FMNL2: variants seen among roughly 807,000 people sequenced by gnomAD.
FMNL2 encodes the protein formin like 2.
A neutral mutation model predicts 130.2 loss-of-function variants in FMNL2; 51 were observed. The observed-to-expected ratio is 0.39, with a 90% confidence interval of 0.31 to 0.49. The LOEUF (loss-of-function observed/expected upper bound fraction) is 0.49, where lower values mean the gene tolerates loss of function less well. Ranked by LOEUF, FMNL2 falls within the 20% of genes least tolerant of loss-of-function variation. The pLI is 0.85. For synonymous variants in FMNL2, 465 were observed against 467.1 expected (o/e 1.00, Z 0.06); for missense variants, 977 against 1,316.2 (o/e 0.74, Z 3.99).
chr2:152,510,796 T>C (rs1457046860), intron 1 of FMNL2, among the ~76,000 whole-genome samples: 3 of 152,262 alleles, frequency 2.0e-5, no homozygotes, highest in South Asian at 4.2e-4. Context: ...CGCAAGACTT[T>C]CCAGCTTTCC....
chr2:152,504,555 T>G (rs1248271793), intron 1 of FMNL2, among the ~76,000 whole-genome samples: 2 of 152,212 alleles, frequency 1.3e-5, no homozygotes, highest in Non-Finnish European at 2.9e-5. Flanking sequence ...GCAGGGAGGC[T>G]TCTTAAAAAC....
At chr2:152,473,289 C>T (rs111484624) in intron 1 of FMNL2, among the ~76,000 whole-genome samples, 1,551 of 152,224 alleles carry the variant, frequency 0.01, 25 homozygotes, top group African/African-American at 0.036. Context: ...CTGCAGCCTC[C>T]AACTCCTGGG....
intron 1 of FMNL2, among the ~76,000 whole-genome samples, chr2:152,436,253 C>A (rs189991846): frequency 6.6e-6 from 1 of 152,080 alleles, no homozygotes; most frequent in Non-Finnish European, 1.5e-5. Flanking sequence ...GCAGCCTCCA[C>A]CTCCCAGGCT....
Position 152,522,046 on chromosome 2 carries a change from T to A in FMNL2, c.201+20T>A. The A allele has an allele frequency of 8.2e-6, 13 of 1,584,884 alleles. No homozygotes were observed. Among genetic ancestry groups the A allele is most frequent in the Non-Finnish European group, 1.1e-5 (13 of 1,162,954 alleles). On this transcript the variant is annotated intron_variant, in intron 2 of 25. Transcript: ENST00000288670. ...GATCAGGTAAGAAACAGTGACACTTTCTTTTATGAAAAAAGTAATGAAAGA... is the reference window on the plus strand; with the variant it reads ...GATCAGGTAAGAAACAGTGACACTTACTTTTATGAAAAAAGTAATGAAAGA...
At chr2:152,605,100 G>A (rs936890732) in intron 9 of FMNL2, among the ~76,000 whole-genome samples, 3 of 151,886 alleles carry the variant, frequency 2.0e-5, no homozygotes, top group African/African-American at 7.3e-5. Context: ...CCAGGAACTT[G>A]CTGTAGATTG....
At chr2:152,383,445 G>A (rs1056890936) in intron 1 of FMNL2, among the ~76,000 whole-genome samples, 3 of 151,696 alleles carry the variant, frequency 2.0e-5, no homozygotes, top group Non-Finnish European at 2.9e-5. Flanking sequence ...AAAATGTTCC[G>A]TAAGAGTAAC....
chr2:152,537,909 G>C (rs1694085115), intron 2 of FMNL2, among the ~76,000 whole-genome samples: 1 of 148,042 alleles, frequency 6.8e-6, no homozygotes, highest in Admixed American at 6.8e-5. Flanking sequence ...CACACACACA[G>C]TATATGATTT....
chr2:152,378,753 G>A (rs1478789607), intron 1 of FMNL2, among the ~76,000 whole-genome samples: 2 of 152,082 alleles, frequency 1.3e-5, no homozygotes, highest in Admixed American at 1.3e-4. Context: ...TTGATAGAAG[G>A]TTAAGTGTGA....
At chr2:152,385,944 T>C (rs148684345) in intron 1 of FMNL2, among the ~76,000 whole-genome samples, 4 of 152,354 alleles carry the variant, frequency 2.6e-5, no homozygotes, top group South Asian at 4.1e-4. Flanking sequence ...GATTTATCTT[T>C]CTTTCACCTC....
Position 152,445,050 on chromosome 2 carries a change from A to G in FMNL2, c.118-76893A>G, listed in dbSNP as rs945301153. On this transcript the variant is annotated intron_variant, in intron 1 of 25. Coordinates refer to ENST00000288670, the MANE Select transcript of FMNL2 (RefSeq NM_052905.4). ...GTGGTTTTCCATAAAGATGGAAAGC[A>G]TCTGCCCAGGAGTCTCCTTGAATCC... Among the ~76,000 whole-genome samples the G allele has an allele frequency of 2.0e-5, 3 of 152,376 alleles. No homozygotes were observed. The East Asian group carries it at 5.8e-4, about 29-fold the overall frequency.
intron 1 of FMNL2, among the ~76,000 whole-genome samples, chr2:152,418,033 A>G (rs1350179941): frequency 6.6e-6 from 1 of 151,958 alleles, no homozygotes; most frequent in Non-Finnish European, 1.5e-5. Flanking sequence ...TTTAGTAGAG[A>G]TGGGGTTTCA....
intron 1 of FMNL2, among the ~76,000 whole-genome samples, chr2:152,487,697 A>C (rs763763792): frequency 3.3e-5 from 5 of 152,182 alleles, no homozygotes; most frequent in Non-Finnish European, 7.4e-5. Context: ...TTGATAAGAA[A>C]TGGGTCTAGG....
chr2:152,502,133 C>T (rs1167810420), intron 1 of FMNL2, among the ~76,000 whole-genome samples: 2 of 152,092 alleles, frequency 1.3e-5, no homozygotes, highest in Non-Finnish European at 1.5e-5. Flanking sequence ...GGCGAGGTGG[C>T]GCTAACAGAG....
At chr2:152,645,388 A>AT (rs1359994195) in intron 25 of FMNL2, 2 of 1,151,138 alleles carry the variant, frequency 1.7e-6, no homozygotes, top group Admixed American at 2.4e-5. Context: ...TTTTCATCCC[A>AT]TTTTTTCTTA....
intron 10 of FMNL2, chr2:152,607,750 G>T: frequency 5.6e-6 from 1 of 177,992 alleles, no homozygotes; most frequent in Non-Finnish European, 1.2e-5. Context: ...CCTTAAGGTA[G>T]AAGCAATCTT....
chr2:152,438,968 G>C (rs950429450), intron 1 of FMNL2, among the ~76,000 whole-genome samples: 5 of 151,932 alleles, frequency 3.3e-5, no homozygotes, highest in African/African-American at 1.2e-4. Flanking sequence ...GGTTTATTTG[G>C]GATTGGAAAC....
intron 18 of FMNL2, 29 bp downstream of exon 18, chr2:152,628,562 G>A (rs757008476): frequency 2.5e-6 from 4 of 1,578,714 alleles, no homozygotes; most frequent in Admixed American, 1.7e-5. Context: ...GCAGGGGAGG[G>A]GGTCCAAAGA....
intron 1 of FMNL2, among the ~76,000 whole-genome samples, chr2:152,503,333 C>T (rs1691958377): frequency 6.6e-6 from 1 of 152,080 alleles, no homozygotes; most frequent in Non-Finnish European, 1.5e-5. Flanking sequence ...GGAGAGAATT[C>T]TGGTTAAAGT....
At chr2:152,540,251 A>G (rs1330386726) in intron 2 of FMNL2, among the ~76,000 whole-genome samples, 1 of 152,058 alleles carries the variant, frequency 6.6e-6, no homozygotes, top group Non-Finnish European at 1.5e-5. Context: ...TCTTGTGATT[A>G]TTTTAGCCCT....
Sources: gnomAD v4.1 joint callset for allele counts (sites outside exome capture counted in the v4.1 genomes callset) on GRCh38, gnomAD v4.1.1 for gene constraint, MANE v1.5 for transcripts, NCBI Gene and HGNC (gene_info 2026-07-23, HGNC 2026-07-21) for gene names.